Variants in SLC26A7 observed in about 807,000 individuals in gnomAD.
SLC26A7 encodes solute carrier family 26 member 7.
In SLC26A7, 59 loss-of-function variants were observed where a neutral mutation model predicts 82.5. The observed-to-expected ratio is 0.72, with a 90% confidence interval of 0.58 to 0.89. SLC26A7 has a LOEUF of 0.89. SLC26A7 is among the 40% of genes least tolerant of loss of function. The pLI is 0.00. For synonymous variants in SLC26A7, 271 were observed against 274.3 expected (o/e 0.99, Z 0.12); for missense variants, 820 against 793.0 (o/e 1.03, Z -0.41).
intron 4 of SLC26A7, among the ~76,000 whole-genome samples, chr8:91,306,837 G>A (rs912931179): frequency 6.6e-6 from 1 of 151,878 alleles, no homozygotes; most frequent in Non-Finnish European, 1.5e-5. Flanking sequence ...AGCCTCACAA[G>A]CAGCTAAGAC....
intron 15 of SLC26A7, among the ~76,000 whole-genome samples, chr8:91,385,686 G>GAAC (rs1227343168): frequency 6.6e-6 from 1 of 152,160 alleles, no homozygotes; most frequent in Non-Finnish European, 1.5e-5. Context: ...AACATGGCAT[G>GAAC]AACACACTCT....
At chr8:91,228,377 C>G (rs1810265712) in intron 2 of SLC26A7, among the ~76,000 whole-genome samples, 1 of 152,214 alleles carries the variant, frequency 6.6e-6, no homozygotes, top group Admixed American at 6.5e-5. Context: ...ATCATAGATT[C>G]AGGCCATCCA....
chr8:91,278,147 G>C (rs902956718), intron 2 of SLC26A7, among the ~76,000 whole-genome samples: 1 of 151,960 alleles, frequency 6.6e-6, no homozygotes, highest in Non-Finnish European at 1.5e-5. Flanking sequence ...TTTATTCCTT[G>C]GGTGCTCCTC....
chr8:91,340,659 C>T (rs7012287), intron 8 of SLC26A7, 108 bp downstream of exon 8: 1,201,376 of 1,379,502 alleles, frequency 0.87, 526,603 homozygotes, highest in Non-Finnish European at 0.9. Context: ...CCTAACTGTA[C>T]AGCAAGAGTG....
upstream of SLC26A7, among the ~76,000 whole-genome samples, chr8:91,246,113 A>G (rs967637181): frequency 1.3e-5 from 2 of 152,186 alleles, no homozygotes; most frequent in Admixed American, 1.3e-4. Context: ...CTTTATTCTC[A>G]TTTTCTCTCC....
At chr8:91,268,503 C>T (rs184118196) in intron 2 of SLC26A7, among the ~76,000 whole-genome samples, 6 of 151,736 alleles carry the variant, frequency 4.0e-5, no homozygotes, top group East Asian at 3.9e-4. Context: ...TCTATCTCTT[C>T]GCTTTCAGTC....
At chr8:91,391,840 T>TTTG (rs372103147) in intron 16 of SLC26A7, among the ~76,000 whole-genome samples, 4 of 152,148 alleles carry the variant, frequency 2.6e-5, no homozygotes, top group South Asian at 2.1e-4. Context: ...CAGTATGGTT[T>TTTG]TTGTTGTTGT....
rs756856367 is a variant in SLC26A7 at position 91,389,318 on chromosome 8, A to G, written c.1676-20A>G. 1 of 1,589,136 alleles carries G rather than the reference A, an allele frequency of 6.3e-7. No homozygotes were observed. The highest frequency in any genetic ancestry group is 1.3e-5 in the African/African-American group (1 of 74,442). ...GTCTCTTAAAACTCTCCCTAACTCAAGTCTCTGTTTCTCCTACAGAAGAAG... is the reference window on the plus strand; with the variant it reads ...GTCTCTTAAAACTCTCCCTAACTCAGGTCTCTGTTTCTCCTACAGAAGAAG... On this transcript the variant is annotated intron_variant, in intron 15 of 18. Coordinates refer to ENST00000276609, the MANE Select transcript of SLC26A7 (RefSeq NM_052832.4).
At chr8:91,375,706 C>G (rs1226953644) in intron 15 of SLC26A7, among the ~76,000 whole-genome samples, 2 of 147,262 alleles carry the variant, frequency 1.4e-5, no homozygotes, top group Non-Finnish European at 3.0e-5. Flanking sequence ...TCTGATGACT[C>G]TGCTTCAGTG....
intron 11 of SLC26A7, among the ~76,000 whole-genome samples, chr8:91,356,469 C>G (rs545486741): frequency 5.3e-5 from 8 of 152,290 alleles, no homozygotes; most frequent in African/African-American, 1.9e-4. Context: ...TTGCATTTCT[C>G]TGATGGCCAG....
At position 91,260,441 on chromosome 8, in the gene SLC26A7, T is replaced by G. The variant is rs1810932364; in HGVS notation, c.193+10597T>G. Among the ~76,000 whole-genome samples the G allele has an allele frequency of 2.0e-5, 3 of 152,090 alleles. No homozygotes were observed. In the South Asian group the frequency reaches 6.2e-4, roughly 32 times the overall value. ...GGTGGGGACACAGAGCTAAACCATA[T>G]CAATTGCCTAAGCCATACGTTCCTT... On this transcript the variant is annotated intron_variant, in intron 2 of 18. Coordinates refer to ENST00000276609, the MANE Select transcript of SLC26A7 (RefSeq NM_052832.4).
intron 4 of SLC26A7, among the ~76,000 whole-genome samples, chr8:91,312,867 A>C (rs1243354132): frequency 6.6e-6 from 1 of 151,982 alleles, no homozygotes. Flanking sequence ...GAGTTTTAGG[A>C]GTTCTCTATA....
intron 8 of SLC26A7, among the ~76,000 whole-genome samples, chr8:91,341,167 G>A (rs1302711799): frequency 6.6e-6 from 1 of 151,454 alleles, no homozygotes; most frequent in East Asian, 1.9e-4. Flanking sequence ...TCCCCAGAGT[G>A]TGATATTCCG....
chr8:91,348,023 G>A (rs1233887833), intron 9 of SLC26A7, among the ~76,000 whole-genome samples: 1 of 151,986 alleles, frequency 6.6e-6, no homozygotes, highest in Non-Finnish European at 1.5e-5. Context: ...CAGGGAGCTC[G>A]GGAGGTATAC....
intron 4 of SLC26A7, among the ~76,000 whole-genome samples, chr8:91,317,924 C>T (rs985792330): frequency 7.9e-6 from 1 of 127,278 alleles, no homozygotes; most frequent in African/African-American, 3.0e-5. Flanking sequence ...TTTTCTAGAA[C>T]TTAAACTATA....
intron 9 of SLC26A7, among the ~76,000 whole-genome samples, chr8:91,349,353 A>T (rs1053143212): frequency 1.3e-5 from 2 of 152,204 alleles, no homozygotes; most frequent in Admixed American, 6.5e-5. Flanking sequence ...TTAACTCTTG[A>T]CTTATTTTTA....
At chr8:91,218,880 T>C (rs1277844231) in intron 1 of SLC26A7, 1 of 1,502,700 alleles carries the variant, frequency 6.7e-7, no homozygotes, top group East Asian at 2.5e-5. Context: ...TTTTAATCTT[T>C]ACTTTTTAGG....
intron 2 of SLC26A7, among the ~76,000 whole-genome samples, chr8:91,256,252 C>T (rs1461177137): frequency 1.3e-5 from 2 of 152,060 alleles, no homozygotes; most frequent in Non-Finnish European, 2.9e-5. Context: ...AAAAATGTTG[C>T]GGTTTCTAAT....
At position 91,318,168 on chromosome 8, in the gene SLC26A7, T is replaced by C. The variant is rs772841163; in HGVS notation, c.478-48T>C. 11 of 1,530,430 alleles carry C rather than the reference T, an allele frequency of 7.2e-6. No homozygotes were observed. The East Asian group carries it at 2.5e-4, about 35-fold the overall frequency. 94.8% of individuals were successfully genotyped at this position (1,530,430 alleles called of 1,614,324 possible). Reference sequence around the variant, plus strand: ...CAAATATTAAGCCCTCTGGGAACTTTGGGGAGTTTCATCTGAAGTTCATCT... The same window carrying C: ...CAAATATTAAGCCCTCTGGGAACTTCGGGGAGTTTCATCTGAAGTTCATCT... On this transcript the variant is annotated intron_variant, in intron 4 of 18. Coordinates refer to ENST00000276609, the MANE Select transcript of SLC26A7 (RefSeq NM_052832.4).
Sources: allele counts gnomAD v4.1 joint callset (sites outside exome capture counted in the v4.1 genomes callset), GRCh38; gene constraint gnomAD v4.1.1; transcripts MANE v1.5; gene names NCBI Gene and HGNC (gene_info 2026-07-23, HGNC 2026-07-21).